The following SLC30A8 variants were observed in gnomAD, a reference collection of about 807,000 sequenced individuals.
SLC30A8 encodes solute carrier family 30 member 8.
A neutral mutation model predicts 36.9 loss-of-function variants in SLC30A8; 27 were observed. That is an observed-to-expected ratio of 0.73 (90% confidence interval 0.54 to 1.01). The LOEUF (loss-of-function observed/expected upper bound fraction) is 1.01, where lower values mean the gene tolerates loss of function less well. Among genes scored for constraint, SLC30A8 ranks in the 50% least tolerant of loss-of-function variants. SLC30A8 has a pLI of 0.00. For synonymous variants in SLC30A8, 164 were observed against 172.4 expected (o/e 0.95, Z 0.38); for missense variants, 439 against 452.0 (o/e 0.97, Z 0.26).
intron 1 of SLC30A8, among the ~76,000 whole-genome samples, chr8:117,010,065 T>C (rs893034216): frequency 3.9e-5 from 6 of 152,212 alleles, no homozygotes; most frequent in African/African-American, 1.2e-4. Flanking sequence ...TATATGAGTT[T>C]TATCAGAGGG....
At chr8:117,123,327 T>A (rs888748067) in intron 2 of SLC30A8, among the ~76,000 whole-genome samples, 1 of 152,050 alleles carries the variant, frequency 6.6e-6, no homozygotes, top group Non-Finnish European at 1.5e-5. Context: ...ATCTAGCTGA[T>A]TTTATGCAGT....
intron 1 of SLC30A8, among the ~76,000 whole-genome samples, chr8:117,015,981 G>A (rs1816505387): frequency 6.6e-6 from 1 of 152,136 alleles, no homozygotes; most frequent in African/African-American, 2.4e-5. Flanking sequence ...TTGGGAGAAG[G>A]GGAAGGAGAA....
intron 2 of SLC30A8, among the ~76,000 whole-genome samples, chr8:117,078,136 C>T (rs1388578843): frequency 6.6e-6 from 1 of 152,186 alleles, no homozygotes. Flanking sequence ...CAAAACCATT[C>T]TTCCAATAAA....
chr8:117,055,251 A>G (rs1817835217), intron 2 of SLC30A8, among the ~76,000 whole-genome samples: 3 of 152,324 alleles, frequency 2.0e-5, no homozygotes, highest in Middle Eastern at 3.4e-3. Context: ...CTGTTTTCTA[A>G]TTGGAAAAAG....
intron 2 of SLC30A8, among the ~76,000 whole-genome samples, chr8:117,075,697 C>T (rs1266916804): frequency 6.6e-6 from 1 of 152,106 alleles, no homozygotes; most frequent in African/African-American, 2.4e-5. Context: ...TTCTCTAATC[C>T]GTTCTTCATA....
At chr8:117,006,582 A>G (rs1353170782) in intron 1 of SLC30A8, among the ~76,000 whole-genome samples, 3 of 152,002 alleles carry the variant, frequency 2.0e-5, no homozygotes, top group African/African-American at 4.8e-5. Context: ...TGACAATTTC[A>G]GCCTCTCTAT....
chr8:117,110,851 G>C (rs1820197641), intron 2 of SLC30A8, among the ~76,000 whole-genome samples: 1 of 152,132 alleles, frequency 6.6e-6, no homozygotes, highest in South Asian at 2.1e-4. Flanking sequence ...AGGCAAATGA[G>C]GAAGCCATCC....
At position 117,176,357 on chromosome 8, in the gene SLC30A8, A is replaced by G. The variant is rs1288927474; in HGVS notation, c.*3676A>G. The G allele has an allele frequency of 6.6e-6, 1 of 152,624 alleles. No individual in the cohort carries two copies. The highest frequency in any genetic ancestry group is 1.9e-4 in the East Asian group (1 of 5,162). 9.5% of individuals were successfully genotyped at this position (152,624 alleles called of 1,614,324 possible). On this transcript the variant is annotated 3_prime_UTR_variant, in exon 8 of 8. Transcript: ENST00000456015. ...AGCCTCATTTTCCACAATTAGCTCTAAAGTGCCTCCAGGAAATGATTTTCT... is the reference window on the plus strand; with the variant it reads ...AGCCTCATTTTCCACAATTAGCTCTGAAGTGCCTCCAGGAAATGATTTTCT...
intron 1 of SLC30A8, among the ~76,000 whole-genome samples, chr8:116,997,042 T>C (rs1242600285): frequency 2.0e-5 from 3 of 152,064 alleles, no homozygotes; most frequent in African/African-American, 7.2e-5. Context: ...GAGTCCAGTT[T>C]AGCAAAGACA....
intron 2 of SLC30A8, among the ~76,000 whole-genome samples, chr8:117,061,252 T>A (rs1818018058): frequency 6.6e-6 from 1 of 152,210 alleles, no homozygotes; most frequent in Admixed American, 6.5e-5. Flanking sequence ...CATCTACCTA[T>A]CCATCACCCA....
chr8:117,088,253 C>T (rs575579887), intron 2 of SLC30A8, among the ~76,000 whole-genome samples: 1 of 152,256 alleles, frequency 6.6e-6, no homozygotes, highest in South Asian at 2.1e-4. Flanking sequence ...GTGCAACATT[C>T]CCCTCTACTA....
At chr8:117,142,354 C>G (rs963943864) in intron 1 of SLC30A8, among the ~76,000 whole-genome samples, 2 of 152,094 alleles carry the variant, frequency 1.3e-5, no homozygotes, top group Non-Finnish European at 2.9e-5. Context: ...CTTTTACACT[C>G]TAGTCTTCCA....
intron 2 of SLC30A8, among the ~76,000 whole-genome samples, chr8:117,084,521 C>T (rs1046742333): frequency 6.6e-6 from 1 of 152,142 alleles, no homozygotes; most frequent in Admixed American, 6.5e-5. Context: ...TCCTAATCTT[C>T]CTTGTACAGT....
chr8:117,058,862 C>T (rs572720095), intron 2 of SLC30A8, among the ~76,000 whole-genome samples: 1 of 152,288 alleles, frequency 6.6e-6, no homozygotes, highest in South Asian at 2.1e-4. Context: ...TGATTTCATG[C>T]TACAAAGCTA....
intron 2 of SLC30A8, among the ~76,000 whole-genome samples, chr8:117,048,386 A>G (rs946120118): frequency 6.6e-6 from 1 of 152,226 alleles, no homozygotes; most frequent in African/African-American, 2.4e-5. Flanking sequence ...GGGGGAGGAA[A>G]GAGGCCTAGA....
chr8:116,972,428 G>A (rs1441314789), intron 1 of SLC30A8, among the ~76,000 whole-genome samples: 1 of 152,214 alleles, frequency 6.6e-6, no homozygotes, highest in Non-Finnish European at 1.5e-5. Context: ...AGGAATAAGC[G>A]ACTGCTGTTT....
At chr8:117,138,656 C>T (rs1821482079) in intron 1 of SLC30A8, among the ~76,000 whole-genome samples, 1 of 151,996 alleles carries the variant, frequency 6.6e-6, no homozygotes, top group African/African-American at 2.4e-5. Context: ...AGGGTATAAT[C>T]TCTAGCCCAG....
At chr8:117,138,009 C>T (rs949361143) in intron 1 of SLC30A8, among the ~76,000 whole-genome samples, 1 of 146,530 alleles carries the variant, frequency 6.8e-6, no homozygotes, top group Non-Finnish European at 1.5e-5. Context: ...TCTCCATTCT[C>T]TCCAAATCTG....
Position 117,006,783 on chromosome 8 carries a change from T to A in SLC30A8, c.-265-32436T>A, listed in dbSNP as rs1468498961. ...AGTTGAGTCAGGTAATTTTTTTTTTTTTTTTTTTTTTTTTTTTGAGACGGA... is the reference window on the plus strand; with the variant it reads ...AGTTGAGTCAGGTAATTTTTTTTTTATTTTTTTTTTTTTTTTTGAGACGGA... On this transcript the variant is annotated intron_variant, in intron 1 of 10. Transcript: ENST00000427715. 2.5e-3 allele frequency among the ~76,000 whole-genome samples: 298 copies of A among 120,200 alleles called. 4 individuals are homozygous for A. The highest frequency in any genetic ancestry group is 9.2e-3 in the African/African-American group (277 of 30,212). The allele number at this position is 120,200 out of a possible 152,430, so 78.9% of individuals were successfully genotyped here. A position where few individuals can be genotyped will look rare whatever the true frequency, so the allele number is the denominator to read the frequency against.
Sources: allele counts gnomAD v4.1 joint callset (sites outside exome capture counted in the v4.1 genomes callset), GRCh38; gene constraint gnomAD v4.1.1; transcripts MANE v1.5; gene names NCBI Gene and HGNC (gene_info 2026-07-23, HGNC 2026-07-21).